Variants in CLIP2 observed in about 807,000 individuals in gnomAD.
The protein encoded by CLIP2 is CAP-Gly domain-containing linker protein 2.
CLIP2 carries 41 observed loss-of-function variants against 111.7 expected under a neutral mutation model. That is an observed-to-expected ratio of 0.37 (90% CI 0.29 to 0.48). CLIP2 has a LOEUF of 0.48. Ranked by LOEUF, CLIP2 falls within the 20% of genes least tolerant of loss-of-function variation. CLIP2 has a pLI of 0.99. For missense variants in CLIP2, 1,160 were observed against 1,422.1 expected (o/e 0.82, Z 2.96); for synonymous variants, 660 against 644.2 (o/e 1.02, Z -0.37).
At chr7:74,294,385 T>C (rs1554725813) in intron 1 of CLIP2, among the ~76,000 whole-genome samples, 1 of 152,208 alleles carries the variant, frequency 6.6e-6, no homozygotes, top group Non-Finnish European at 1.5e-5. Context: ...GCCAGATGGT[T>C]TTTATTAACG....
chr7:74,329,927 G>A (rs966101621), intron 2 of CLIP2, among the ~76,000 whole-genome samples: 5 of 151,882 alleles, frequency 3.3e-5, no homozygotes, highest in South Asian at 2.1e-4. Context: ...TTACAAGCGC[G>A]CGCCACCACA....
chr7:74,405,127 C>T lies in CLIP2; in HGVS notation c.*1279C>T, dbSNP rs1584401125. Reference sequence around the variant, plus strand: ...ATCTAACTGCGCTCCCCCAACCCCTCGCCCTGCCATCTTCCCCTCAAGCCT... The same window carrying T: ...ATCTAACTGCGCTCCCCCAACCCCTTGCCCTGCCATCTTCCCCTCAAGCCT... On this transcript the variant is annotated 3_prime_UTR_variant, in exon 17 of 17. Coordinates refer to ENST00000223398, the MANE Select transcript of CLIP2 (RefSeq NM_003388.5). 6.6e-6 allele frequency: 1 copy of T among 152,240 alleles called. No individual in the cohort carries two copies. Among genetic ancestry groups the T allele is most frequent in the Non-Finnish European group, 1.5e-5 (1 of 68,096 alleles). 9.4% of individuals were successfully genotyped at this position (152,240 alleles called of 1,614,324 possible). A position where few individuals can be genotyped will look rare whatever the true frequency, so the allele number is the denominator to read the frequency against.
chr7:74,349,691 C>T (rs1007747320), intron 3 of CLIP2, among the ~76,000 whole-genome samples: 2 of 151,088 alleles, frequency 1.3e-5, no homozygotes, highest in South Asian at 2.1e-4. Context: ...GGCACAATCT[C>T]GGCTCACTGC....
chr7:74,336,272 T>C (rs1365871772), intron 2 of CLIP2, among the ~76,000 whole-genome samples: 1 of 152,012 alleles, frequency 6.6e-6, no homozygotes, highest in Non-Finnish European at 1.5e-5. Context: ...TTCCCCATGT[T>C]GGCCAGGCTG....
intron 1 of CLIP2, among the ~76,000 whole-genome samples, chr7:74,291,734 G>A (rs1185182396): frequency 2.0e-5 from 3 of 152,016 alleles, no homozygotes; most frequent in African/African-American, 4.8e-5. Flanking sequence ...GCCCTGACCC[G>A]GCACCTGCTG....
intron 10 of CLIP2, among the ~76,000 whole-genome samples, chr7:74,378,281 C>T (rs932066706): frequency 6.6e-6 from 1 of 151,694 alleles, no homozygotes; most frequent in Non-Finnish European, 1.5e-5. Flanking sequence ...GTGTGCCCCA[C>T]CACACCTGGC....
chr7:74,398,382 A>ACCCCAT (rs1373572732), intron 14 of CLIP2, among the ~76,000 whole-genome samples: 5 of 151,216 alleles, frequency 3.3e-5, no homozygotes, highest in African/African-American at 1.2e-4. Context: ...TAAAGAAACC[A>ACCCCAT]CCCCATCCCC....
At chr7:74,301,975 A>T (rs1554726934) in intron 1 of CLIP2, among the ~76,000 whole-genome samples, 1 of 151,692 alleles carries the variant, frequency 6.6e-6, no homozygotes, top group Non-Finnish European at 1.5e-5. Flanking sequence ...GACCTCCCAA[A>T]GTGCTGGGAT....
chr7:74,367,887 G>A (rs918779125), intron 8 of CLIP2, among the ~76,000 whole-genome samples: 1 of 152,022 alleles, frequency 6.6e-6, no homozygotes, highest in Non-Finnish European at 1.5e-5. Context: ...GACCAGCCTG[G>A]GCAACATAGC....
At chr7:74,307,222 T>C (rs1240361514) in intron 1 of CLIP2, among the ~76,000 whole-genome samples, 1 of 152,212 alleles carries the variant, frequency 6.6e-6, no homozygotes, top group South Asian at 2.1e-4. Context: ...TTGGTTTCCT[T>C]TGTGAGCCGT....
intron 11 of CLIP2, among the ~76,000 whole-genome samples, chr7:74,384,343 T>C (rs1421261123): frequency 1.3e-5 from 2 of 152,106 alleles, no homozygotes; most frequent in Admixed American, 1.3e-4. Flanking sequence ...CTATTGTGAA[T>C]GATGCTGCTA....
chr7:74,392,875 C>T (rs1300736764), intron 13 of CLIP2, among the ~76,000 whole-genome samples: 1 of 152,138 alleles, frequency 6.6e-6, no homozygotes, highest in Non-Finnish European at 1.5e-5. Context: ...CAAGACCTAA[C>T]AACACAGGAC....
At chr7:74,314,035 T>C (rs1788708310) in intron 1 of CLIP2, among the ~76,000 whole-genome samples, 1 of 151,888 alleles carries the variant, frequency 6.6e-6, no homozygotes, top group Non-Finnish European at 1.5e-5. Flanking sequence ...ATACAAAAAT[T>C]AGCCGGGCCT....
At position 74,400,465 on chromosome 7, in the gene CLIP2, C is replaced by T. The variant is rs1791588280; in HGVS notation, c.2976C>T (p.Ser992=). The change falls in exon 15 of 17, where the codon AGC becomes AGT. Residue 992 remains serine (S), a synonymous_variant. Transcript: ENST00000223398. ...ELLRLQHQLM[S]TEDALRDALD... Reference sequence around the variant, plus strand: ...TGCGGCTGCAGCACCAGCTGATGAGCACGGAGGACGCCCTGCGGGATGCGC... The same window carrying T: ...TGCGGCTGCAGCACCAGCTGATGAGTACGGAGGACGCCCTGCGGGATGCGC... The T allele has an allele frequency of 6.2e-7, 1 of 1,614,014 alleles. No individual in the cohort carries two copies.
At chr7:74,362,653 G>C (rs1384791318) in intron 7 of CLIP2, among the ~76,000 whole-genome samples, 1 of 149,182 alleles carries the variant, frequency 6.7e-6, no homozygotes, top group Non-Finnish European at 1.5e-5. Context: ...TCCTGCCTCA[G>C]CCTCCCAAGT....
At chr7:74,333,658 T>C (rs1419211378) in intron 2 of CLIP2, among the ~76,000 whole-genome samples, 1 of 151,796 alleles carries the variant, frequency 6.6e-6, no homozygotes, top group Non-Finnish European at 1.5e-5. Flanking sequence ...ATTTTTGTAT[T>C]TTTTTGTAGA....
At chr7:74,343,937 G>A (rs555841696) in intron 3 of CLIP2, among the ~76,000 whole-genome samples, 1 of 152,208 alleles carries the variant, frequency 6.6e-6, no homozygotes, top group East Asian at 1.9e-4. Context: ...ACTGGTGGAT[G>A]TGAGGATGAG....
chr7:74,304,598 G>C (rs1416268086), intron 1 of CLIP2, among the ~76,000 whole-genome samples: 1 of 149,518 alleles, frequency 6.7e-6, no homozygotes, highest in Non-Finnish European at 1.5e-5. Flanking sequence ...GATATTCAAA[G>C]GAGTAGACAG....
intron 4 of CLIP2, 100 bp from the exon 5 acceptor site, chr7:74,356,308 CTT>C: frequency 2.1e-6 from 2 of 973,204 alleles, no homozygotes; most frequent in South Asian, 2.6e-5. Context: ...AAGGAGGTGT[CTT>C]TCTCTCTTTC....
Sources: gnomAD v4.1 joint callset for allele counts (sites outside exome capture counted in the v4.1 genomes callset) on GRCh38, gnomAD v4.1.1 for gene constraint, MANE v1.5 for transcripts, NCBI Gene and HGNC (gene_info 2026-07-23, HGNC 2026-07-21) for gene names.